THRB: variants seen among roughly 807,000 people sequenced by gnomAD.
The protein encoded by THRB is nuclear receptor subfamily 1 group A member 2.
THRB carries 12 observed loss-of-function variants against 47.8 expected under a neutral mutation model. That is an observed-to-expected ratio of 0.25 (90% confidence interval 0.16 to 0.41). The LOEUF is 0.41. Ranked by LOEUF, THRB falls within the 10% of genes least tolerant of loss-of-function variation. The pLI is 1.00. For synonymous variants in THRB, 218 were observed against 212.2 expected (o/e 1.03, Z -0.24); for missense variants, 348 against 589.2 (o/e 0.59, Z 4.24).
rs546157968 is a variant in THRB, at chr3:24,282,813, G to T, written c.-43+14413C>A. ...CAGAGAATACTACAAACACCTCTAC[G>T]CAAATAAACTAGAAAATCTAGAAGA... On this transcript the variant is annotated intron_variant, in intron 3 of 10. Transcript: ENST00000646209. Among the ~76,000 whole-genome samples the T allele has an allele frequency of 8.5e-3, 1,278 of 149,890 alleles. 23 individuals are homozygous for T. Among genetic ancestry groups the T allele is most frequent in the African/African-American group, 0.03 (1,196 of 40,356 alleles).
intron 3 of THRB, among the ~76,000 whole-genome samples, chr3:24,281,785 C>T (rs1402877023): frequency 6.7e-6 from 1 of 149,532 alleles, no homozygotes; most frequent in East Asian, 2.0e-4. Context: ...GGTTGCAATC[C>T]TAGTCTCTGA....
intron 4 of THRB, among the ~76,000 whole-genome samples, chr3:24,201,936 A>G (rs919225663): frequency 2.0e-5 from 3 of 152,112 alleles, no homozygotes; most frequent in African/African-American, 7.2e-5. Context: ...ATCAGTTTTC[A>G]TTTAATTTTC....
intron 1 of THRB, among the ~76,000 whole-genome samples, chr3:24,417,127 C>T (rs2068811391): frequency 2.0e-5 from 3 of 151,080 alleles, no homozygotes; most frequent in Admixed American, 6.6e-5. Context: ...CACACACACA[C>T]ACACACACAC....
At chr3:24,241,006 C>T (rs547386113) in intron 3 of THRB, among the ~76,000 whole-genome samples, 5 of 152,166 alleles carry the variant, frequency 3.3e-5, no homozygotes, top group Admixed American at 6.5e-5. Context: ...CTGGCCAACA[C>T]GTCCAGCTGT....
chr3:24,133,848 G>A (rs2034242865), intron 8 of THRB, among the ~76,000 whole-genome samples: 1 of 152,172 alleles, frequency 6.6e-6, no homozygotes, highest in Non-Finnish European at 1.5e-5. Context: ...GCTGGTGTGT[G>A]TCTGTGTGTG....
At chr3:24,443,164 G>A (rs1184487073) in intron 1 of THRB, among the ~76,000 whole-genome samples, 2 of 152,184 alleles carry the variant, frequency 1.3e-5, no homozygotes, top group Non-Finnish European at 2.9e-5. Context: ...TGGCAACAGA[G>A]TGAGATTCCA....
intron 1 of THRB, among the ~76,000 whole-genome samples, chr3:24,400,600 C>G (rs1227278583): frequency 6.6e-6 from 1 of 151,974 alleles, no homozygotes; most frequent in African/African-American, 2.4e-5. Flanking sequence ...AAAAGACAGG[C>G]GTCCAACTCC....
intron 5 of THRB, among the ~76,000 whole-genome samples, chr3:24,162,108 G>A (rs1013610066): frequency 6.6e-6 from 1 of 151,850 alleles, no homozygotes; most frequent in Non-Finnish European, 1.5e-5. Flanking sequence ...CAGGCTGTTC[G>A]GGAACTTCGG....
intron 1 of THRB, among the ~76,000 whole-genome samples, chr3:24,349,678 T>C (rs561080107): frequency 1.3e-5 from 2 of 152,132 alleles, no homozygotes; most frequent in African/African-American, 2.4e-5. Context: ...CTTCACATGA[T>C]ACAGGAAAAT....
intron 5 of THRB, among the ~76,000 whole-genome samples, chr3:24,168,498 T>C (rs7650664): frequency 0.024 from 3,570 of 150,000 alleles, 209 homozygotes; most frequent in African/African-American, 0.082. Context: ...ATAATATATA[T>C]ATATATATAT....
chr3:24,218,854 C>A lies in THRB; in HGVS notation c.22+10084G>T, dbSNP rs78205956. 4.1e-3 allele frequency among the ~76,000 whole-genome samples: 618 copies of A among 152,196 alleles called. 3 individuals are homozygous for A. Among genetic ancestry groups the A allele is most frequent in the African/African-American group, 0.014 (582 of 41,512 alleles). On this transcript the variant is annotated intron_variant, in intron 4 of 10. Coordinates refer to ENST00000646209, the MANE Select transcript of THRB (RefSeq NM_001354712.2). ...ACCAGAGTGCTATATTCTCTTCAGA[C>A]CCCAAAATGGAAGTCCTCTCATTTA... is the stretch of plus-strand genomic sequence containing the variant.
intron 2 of THRB, among the ~76,000 whole-genome samples, chr3:24,309,524 T>C (rs1449982525): frequency 1.3e-5 from 2 of 152,206 alleles, no homozygotes; most frequent in African/African-American, 4.8e-5. Flanking sequence ...GGTAATAAAA[T>C]TCTACTGTAT....
intron 3 of THRB, among the ~76,000 whole-genome samples, chr3:24,245,458 C>T (rs889730237): frequency 6.6e-5 from 10 of 152,038 alleles, no homozygotes; most frequent in African/African-American, 2.4e-4. Context: ...TTAGGGGAGG[C>T]TGTATTTAAT....
chr3:24,372,707 C>T (rs1414629634), intron 1 of THRB, among the ~76,000 whole-genome samples: 1 of 152,096 alleles, frequency 6.6e-6, no homozygotes. Context: ...CTAACCATCC[C>T]CATTTTACAG....
Position 24,420,565 on chromosome 3 carries a change from G to A in THRB, c.-261+74087C>T, listed in dbSNP as rs116309273. Among the ~76,000 whole-genome samples, 1,113 of 151,812 alleles carry A rather than the reference G, an allele frequency of 7.3e-3. 12 individuals are homozygous for A. Among genetic ancestry groups the A allele is most frequent in the African/African-American group, 0.026 (1,059 of 41,458 alleles). ...GACATGAACAGACATTTTTCAAAAG[G>A]AGACATACATATGGCCAACAAGCAT... On this transcript the variant is annotated intron_variant, in intron 1 of 10. Coordinates refer to ENST00000646209, the MANE Select transcript of THRB (RefSeq NM_001354712.2).
At chr3:24,354,381 T>G in intron 1 of THRB, among the ~76,000 whole-genome samples, 1 of 152,052 alleles carries the variant, frequency 6.6e-6, no homozygotes, top group South Asian at 2.1e-4. Context: ...AGATAAAAGT[T>G]AAAAAAAAGT....
chr3:24,269,403 G>GCGCGCGCGCGCA (rs1175063428), intron 3 of THRB, among the ~76,000 whole-genome samples: 1 of 72,634 alleles, frequency 1.4e-5, no homozygotes, highest in African/African-American at 4.4e-5. Flanking sequence ...GCGCGCGCGC[G>GCGCGCGCGCGCA]CACACACACA....
intron 3 of THRB, among the ~76,000 whole-genome samples, chr3:24,294,718 A>G (rs1400124707): frequency 1.3e-5 from 2 of 152,200 alleles, no homozygotes; most frequent in African/African-American, 2.4e-5. Context: ...ATGCCACCCA[A>G]TTAACTAAAT....
At chr3:24,384,163 G>C (rs867154513) in intron 1 of THRB, among the ~76,000 whole-genome samples, 14 of 152,110 alleles carry the variant, frequency 9.2e-5, no homozygotes, top group South Asian at 2.1e-4. Context: ...TTGAAGAAAT[G>C]GGCCTCAGAC....
Sources: gnomAD v4.1 joint callset for allele counts (sites outside exome capture counted in the v4.1 genomes callset) on GRCh38, gnomAD v4.1.1 for gene constraint, MANE v1.5 for transcripts, NCBI Gene and HGNC (gene_info 2026-07-23, HGNC 2026-07-21) for gene names.